Variants in LRGUK observed in about 807,000 individuals in gnomAD.
The protein encoded by LRGUK is leucine rich repeats and guanylate kinase domain containing.
In LRGUK, 65 loss-of-function variants were observed where a neutral mutation model predicts 76.0. The ratio of observed to expected loss-of-function variants is 0.85; its 90% CI spans 0.70 to 1.05. LRGUK has a LOEUF of 1.05. Among genes scored for constraint, LRGUK ranks in the 50% least tolerant of loss-of-function variants. The pLI, the probability that LRGUK is intolerant of heterozygous loss-of-function variation, is 0.00. For synonymous variants in LRGUK, 268 were observed against 265.6 expected (o/e 1.01, Z -0.09); for missense variants, 758 against 732.8 (o/e 1.03, Z -0.40).
exon 12 of LRGUK, chr7:134,191,699 G>C (rs202012650): frequency 6.2e-7 from 1 of 1,612,998 alleles, no homozygotes; most frequent in African/African-American, 1.3e-5. Context: ...GAAGGGGATC[G>C]AGTTGATTAT....
intron 9 of LRGUK, among the ~76,000 whole-genome samples, chr7:134,177,719 A>G (rs1204979872): frequency 3.9e-5 from 6 of 152,188 alleles, no homozygotes; most frequent in Non-Finnish European, 8.8e-5. Flanking sequence ...ACAGGTATAA[A>G]TATGTAGAGA....
chr7:134,248,137 G>A (rs1379535810), intron 17 of LRGUK, among the ~76,000 whole-genome samples: 1 of 152,228 alleles, frequency 6.6e-6, no homozygotes, highest in Non-Finnish European at 1.5e-5. Context: ...AAGACAGGCT[G>A]TGTGATATAT....
At chr7:134,243,944 T>C (rs557636615) in intron 16 of LRGUK, among the ~76,000 whole-genome samples, 1 of 152,154 alleles carries the variant, frequency 6.6e-6, no homozygotes, top group South Asian at 2.1e-4. Flanking sequence ...AAAAACAAGC[T>C]ATGGGGAAAG....
intron 11 of LRGUK, among the ~76,000 whole-genome samples, chr7:134,187,839 A>T (rs890244486): frequency 6.6e-6 from 1 of 152,322 alleles, no homozygotes; most frequent in African/African-American, 2.4e-5. Flanking sequence ...GAAAAACTTT[A>T]TTCTTTCTTA....
intron 16 of LRGUK, among the ~76,000 whole-genome samples, chr7:134,226,371 T>G (rs1306691156): frequency 6.6e-6 from 1 of 152,266 alleles, no homozygotes; most frequent in East Asian, 1.9e-4. Context: ...ACATGAGGCC[T>G]TCTCTATACC....
chr7:134,232,309 C>T (rs935219238), intron 16 of LRGUK, among the ~76,000 whole-genome samples: 1 of 151,734 alleles, frequency 6.6e-6, no homozygotes, highest in Non-Finnish European at 1.5e-5. Flanking sequence ...GACAGGGTCT[C>T]ACCCTGTCAT....
chr7:134,221,634 T>C, intron 15 of LRGUK, 145 bp from the exon 16 acceptor site: 2 of 510,394 alleles, frequency 3.9e-6, no homozygotes, highest in Non-Finnish European at 3.1e-6. Flanking sequence ...TAAGATATAT[T>C]TTTATTTTAT....
downstream of LRGUK, among the ~76,000 whole-genome samples, chr7:134,211,169 TCTG>T (rs1200259983): frequency 5.3e-5 from 8 of 152,214 alleles, no homozygotes; most frequent in Non-Finnish European, 1.2e-4. Context: ...CTGTGCCTCT[TCTG>T]CTGTTGCCGT....
chr7:134,214,775 A>AACACACACAC (rs56096728), downstream of LRGUK, among the ~76,000 whole-genome samples: 25 of 146,852 alleles, frequency 1.7e-4, no homozygotes, highest in African/African-American at 5.3e-4. Context: ...ATTAAATTTA[A>AACACACACAC]ACACACACAC....
At chr7:134,258,102 A>G (rs1563202480) in intron 18 of LRGUK, among the ~76,000 whole-genome samples, 155 bp from the exon 19 acceptor site, 1 of 152,198 alleles carries the variant, frequency 6.6e-6, no homozygotes, top group East Asian at 1.9e-4. Context: ...CACCTTCTAT[A>G]GACACTGTTG....
chr7:134,256,229 G>A (rs1802574579), intron 18 of LRGUK, among the ~76,000 whole-genome samples: 1 of 152,038 alleles, frequency 6.6e-6, no homozygotes, highest in Non-Finnish European at 1.5e-5. Flanking sequence ...AGGCCCAGGT[G>A]GGCGAATCAC....
intron 16 of LRGUK, among the ~76,000 whole-genome samples, chr7:134,225,380 A>G (rs187918250): frequency 1.5e-4 from 23 of 152,246 alleles, no homozygotes; most frequent in Admixed American, 1.5e-3. Flanking sequence ...CCCCTCCCTG[A>G]GAAACTGAGC....
intron 6 of LRGUK, 90 bp from the exon 7 acceptor site, chr7:134,163,300 TAGAGAGA>T: frequency 9.1e-7 from 1 of 1,096,732 alleles, no homozygotes; most frequent in Admixed American, 2.2e-5. Flanking sequence ...TGATTTTTTT[TAGAGAGA>T]TTTGGGTCAG....
At chr7:134,220,408 G>T (rs553576041) in intron 15 of LRGUK, among the ~76,000 whole-genome samples, 24 of 152,250 alleles carry the variant, frequency 1.6e-4, no homozygotes, top group African/African-American at 5.8e-4. Flanking sequence ...TTTGGGAGGA[G>T]TTCAAGTTCA....
In LRGUK at chr7:134,178,633, C is replaced by T. The variant is rs75802679; in HGVS notation, c.1214+24C>T. Reference sequence around the variant, plus strand: ...AGGTACTTATTAGAAATCCAAAGGCCGGAATTCAGGGTGAGCAAGCAAAAG... The same window carrying T: ...AGGTACTTATTAGAAATCCAAAGGCTGGAATTCAGGGTGAGCAAGCAAAAG... On this transcript the variant is annotated intron_variant, in intron 10 of 15. Coordinates refer to ENST00000645682, the Ensembl canonical transcript of LRGUK. 7.2e-4 allele frequency: 1,145 copies of T among 1,587,902 alleles called. 10 individuals carry two copies. In the East Asian group the frequency reaches 0.022, roughly 31 times the overall value.
At chr7:134,195,096 G>A in intron 12 of LRGUK, among the ~76,000 whole-genome samples, 1 of 152,060 alleles carries the variant, frequency 6.6e-6, no homozygotes, top group East Asian at 1.9e-4. Flanking sequence ...TACTGAATCA[G>A]TTCCTGGGTA....
intron 16 of LRGUK, among the ~76,000 whole-genome samples, chr7:134,230,943 G>A (rs1269254644): frequency 6.6e-6 from 1 of 152,158 alleles, no homozygotes. Context: ...GCAATTGTTT[G>A]TGAGGTTTAC....
intron 2 of LRGUK, among the ~76,000 whole-genome samples, chr7:134,138,168 G>C (rs1258928724): frequency 6.6e-6 from 1 of 152,176 alleles, no homozygotes; most frequent in Non-Finnish European, 1.5e-5. Flanking sequence ...CCAGCAGCCA[G>C]TGCATCCCCA....
chr7:134,220,917 C>T (rs1478981709), intron 15 of LRGUK, among the ~76,000 whole-genome samples: 1 of 152,128 alleles, frequency 6.6e-6, no homozygotes, highest in Non-Finnish European at 1.5e-5. Context: ...GCTTCCCCCT[C>T]TCATACCATG....
Sources: gnomAD v4.1 joint callset for allele counts (sites outside exome capture counted in the v4.1 genomes callset) on GRCh38, gnomAD v4.1.1 for gene constraint, MANE v1.5 for transcripts, NCBI Gene and HGNC (gene_info 2026-07-23, HGNC 2026-07-21) for gene names.